UBE2E2: variants seen among roughly 807,000 people sequenced by gnomAD.
UBE2E2 encodes ubiquitin-conjugating enzyme E2 E2.
Under a neutral mutation model 24.7 loss-of-function variants are expected in UBE2E2, and 6 were observed. The ratio of observed to expected loss-of-function variants is 0.24; its 90% CI spans 0.13 to 0.48. The LOEUF is 0.48. Ranked by LOEUF, UBE2E2 falls within the 20% of genes least tolerant of loss-of-function variation. The pLI is 0.99. For missense variants in UBE2E2, 169 were observed against 245.0 expected, an observed-to-expected ratio of 0.69 and a Z score of 2.07; for synonymous variants, 104 against 83.6, an observed-to-expected ratio of 1.24 and a Z score of -1.33.
At chr3:23,308,072 T>C (rs917960138) in intron 3 of UBE2E2, among the ~76,000 whole-genome samples, 2 of 152,210 alleles carry the variant, frequency 1.3e-5, no homozygotes, top group Non-Finnish European at 2.9e-5. Flanking sequence ...TAAGTGGCTT[T>C]GGCTTGAATA....
chr3:23,429,911 C>T (rs1342896670), intron 3 of UBE2E2, among the ~76,000 whole-genome samples: 3 of 152,164 alleles, frequency 2.0e-5, no homozygotes, highest in African/African-American at 4.8e-5. Flanking sequence ...GATGGAGTCT[C>T]GGCCTGTTGC....
intron 3 of UBE2E2, among the ~76,000 whole-genome samples, chr3:23,453,783 C>T (rs937348087): frequency 1.7e-4 from 26 of 152,168 alleles, no homozygotes; most frequent in African/African-American, 6.0e-4. Context: ...TTACAGCTTT[C>T]CTTTCAAAAT....
chr3:23,363,452 A>G (rs952389619), intron 3 of UBE2E2, among the ~76,000 whole-genome samples: 1 of 152,214 alleles, frequency 6.6e-6, no homozygotes, highest in East Asian at 1.9e-4. Context: ...GGATGGAGAA[A>G]AATTGCCCAA....
chr3:23,302,042 C>G (rs1244476138), intron 3 of UBE2E2, among the ~76,000 whole-genome samples: 2 of 152,108 alleles, frequency 1.3e-5, no homozygotes, highest in Admixed American at 6.6e-5. Flanking sequence ...CCTCCTGGCC[C>G]TTTTATTTCT....
intron 3 of UBE2E2, among the ~76,000 whole-genome samples, chr3:23,247,771 T>A (rs573705668): frequency 6.6e-6 from 1 of 152,330 alleles, no homozygotes; most frequent in East Asian, 1.9e-4. Context: ...ACTGCCACTC[T>A]ACCCCAGAAA....
At chr3:23,488,093 C>G (rs1328813814) in intron 3 of UBE2E2, among the ~76,000 whole-genome samples, 2 of 151,302 alleles carry the variant, frequency 1.3e-5, no homozygotes, top group Non-Finnish European at 2.9e-5. Context: ...AGCCAAGAAA[C>G]AAAAGATGTT....
chr3:23,339,203 AG>A (rs1050821951), intron 3 of UBE2E2, among the ~76,000 whole-genome samples: 20 of 152,276 alleles, frequency 1.3e-4, no homozygotes, highest in African/African-American at 4.6e-4. Flanking sequence ...ACCCAAATTG[AG>A]GGCCATGCTA....
At chr3:23,480,244 A>G (rs942946520) in intron 3 of UBE2E2, among the ~76,000 whole-genome samples, 11 of 152,304 alleles carry the variant, frequency 7.2e-5, no homozygotes, top group Admixed American at 4.6e-4. Flanking sequence ...TGCCCTGAGC[A>G]TGTTCATACC....
At chr3:23,364,110 A>G (rs953246899) in intron 3 of UBE2E2, among the ~76,000 whole-genome samples, 1 of 152,138 alleles carries the variant, frequency 6.6e-6, no homozygotes. Context: ...GGGCACAACT[A>G]AAGCAGTATT....
intron 3 of UBE2E2, among the ~76,000 whole-genome samples, chr3:23,439,323 C>G (rs935344253): frequency 6.6e-6 from 1 of 152,168 alleles, no homozygotes; most frequent in Non-Finnish European, 1.5e-5. Flanking sequence ...CTGGCAGATG[C>G]CAGGAATCCA....
intron 3 of UBE2E2, among the ~76,000 whole-genome samples, chr3:23,425,702 T>TG (rs1450363009): frequency 6.6e-6 from 1 of 151,760 alleles, no homozygotes; most frequent in African/African-American, 2.4e-5. Context: ...AGCTTGAGAG[T>TG]GAAAAACTTT....
chr3:23,212,186 T>C (rs193066301), intron 2 of UBE2E2, among the ~76,000 whole-genome samples: 8 of 152,314 alleles, frequency 5.3e-5, no homozygotes, highest in African/African-American at 1.7e-4. Flanking sequence ...CAGAAAACAT[T>C]TAAGTGGGTA....
At chr3:23,221,641 C>CT (rs142942190) in intron 3 of UBE2E2, among the ~76,000 whole-genome samples, 6,647 of 149,596 alleles carry the variant, frequency 0.044, 487 homozygotes, top group African/African-American at 0.15. Flanking sequence ...GTTAGTACTT[C>CT]TTTTTTTTTT....
chr3:23,475,885 G>A (rs142493422), intron 3 of UBE2E2, among the ~76,000 whole-genome samples: 2 of 152,230 alleles, frequency 1.3e-5, no homozygotes, highest in African/African-American at 4.8e-5. Context: ...TGATCTAAAA[G>A]CAGGATTTAC....
chr3:23,415,171 A>G (rs1459801348), intron 3 of UBE2E2, among the ~76,000 whole-genome samples: 10 of 152,192 alleles, frequency 6.6e-5, no homozygotes, highest in African/African-American at 2.4e-4. Context: ...TTTTATGCGT[A>G]TAGATGAACT....
intron 3 of UBE2E2, among the ~76,000 whole-genome samples, chr3:23,351,914 A>G (rs1010340307): frequency 2.0e-5 from 3 of 152,156 alleles, no homozygotes; most frequent in African/African-American, 2.4e-5. Context: ...CTCCACCCCA[A>G]ATCAACAGAA....
At chr3:23,435,826 G>A (rs1382853705) in intron 3 of UBE2E2, among the ~76,000 whole-genome samples, 3 of 152,182 alleles carry the variant, frequency 2.0e-5, no homozygotes, top group East Asian at 1.9e-4. Flanking sequence ...AGAGGGGAAC[G>A]TATGGGTTAC....
chr3:23,446,762 G>C (rs1180525273), intron 3 of UBE2E2, among the ~76,000 whole-genome samples: 2 of 144,768 alleles, frequency 1.4e-5, no homozygotes, highest in East Asian at 4.3e-4. Context: ...AATATGGTGA[G>C]GACCACCACC....
intron 3 of UBE2E2, among the ~76,000 whole-genome samples, chr3:23,485,355 C>T (rs1699342639): frequency 6.6e-6 from 1 of 152,096 alleles, no homozygotes; most frequent in South Asian, 2.1e-4. Context: ...CTCGGTCCTC[C>T]CAAAGTGTTG....
Sources: allele counts gnomAD v4.1 joint callset (sites outside exome capture counted in the v4.1 genomes callset), GRCh38; gene constraint gnomAD v4.1.1; transcripts MANE v1.5; gene names NCBI Gene and HGNC (gene_info 2026-07-23, HGNC 2026-07-21).